The following SLC25A13 variants were observed in gnomAD, a reference collection of about 807,000 sequenced individuals.
SLC25A13 encodes solute carrier family 25 member 13.
In SLC25A13, 70 loss-of-function variants were observed where a neutral mutation model predicts 85.5. That is an observed-to-expected ratio of 0.82 (90% CI 0.68 to 1.00). The LOEUF (loss-of-function observed/expected upper bound fraction) is 1.00, where lower values mean the gene tolerates loss of function less well. SLC25A13 is among the 50% of genes least tolerant of loss of function. SLC25A13 has a pLI of 0.00. For missense variants in SLC25A13, 765 were observed against 819.8 expected, an observed-to-expected ratio of 0.93 and a Z score of 0.82; for synonymous variants, 259 against 288.7, an observed-to-expected ratio of 0.90 and a Z score of 1.04.
At chr7:96,199,057 C>T (rs933214572) in intron 5 of SLC25A13, among the ~76,000 whole-genome samples, 6 of 152,188 alleles carry the variant, frequency 3.9e-5, no homozygotes, top group African/African-American at 9.7e-5. Context: ...TAAGTGCATG[C>T]TATGTCCCAG....
rs1358413376 is a variant in SLC25A13, at chr7:96,226,193, C to T, written c.328+8609G>A. On this transcript the variant is annotated intron_variant, in intron 4 of 17. Coordinates refer to ENST00000265631, the MANE Select transcript of SLC25A13 (RefSeq NM_014251.3). ...AGTAAATCCCCATTCCCCCTCCTCA[C>T]AGCCCCTGGTAGCCACCACTCTTTG... is the stretch of plus-strand genomic sequence containing the variant. Among the ~76,000 whole-genome samples the T allele has an allele frequency of 3.9e-5, 6 of 152,162 alleles. No individual in the cohort carries two copies. The East Asian group carries it at 1.2e-3, about 29-fold the overall frequency.
chr7:96,150,366 G>A (rs1472185171), intron 13 of SLC25A13, among the ~76,000 whole-genome samples: 1 of 151,912 alleles, frequency 6.6e-6, no homozygotes, highest in African/African-American at 2.4e-5. Context: ...TCTATTATGG[G>A]GTATTAAGGT....
intron 3 of SLC25A13, among the ~76,000 whole-genome samples, chr7:96,249,127 G>A (rs1220945370): frequency 6.6e-6 from 1 of 152,164 alleles, no homozygotes; most frequent in Non-Finnish European, 1.5e-5. Flanking sequence ...GCAACGGAGT[G>A]AGCTCTCATG....
At chr7:96,256,950 T>C (rs1797660329) in intron 3 of SLC25A13, among the ~76,000 whole-genome samples, 1 of 152,202 alleles carries the variant, frequency 6.6e-6, no homozygotes, top group African/African-American at 2.4e-5. Context: ...CTGAACAACC[T>C]GCTCCTGAAT....
chr7:96,126,053 T>C (rs1791714783), intron 15 of SLC25A13, among the ~76,000 whole-genome samples: 1 of 152,282 alleles, frequency 6.6e-6, no homozygotes, highest in East Asian at 1.9e-4. Context: ...TGGTTGTCTA[T>C]TGATATTATT....
At chr7:96,162,659 G>C (rs186165164) in intron 13 of SLC25A13, among the ~76,000 whole-genome samples, 25 of 152,264 alleles carry the variant, frequency 1.6e-4, no homozygotes, top group Admixed American at 1.6e-3. Context: ...GTAGAGAAAG[G>C]CTAGGTGGCT....
At chr7:96,291,576 T>C (rs1439177996) in intron 2 of SLC25A13, among the ~76,000 whole-genome samples, 1 of 151,718 alleles carries the variant, frequency 6.6e-6, no homozygotes, top group Non-Finnish European at 1.5e-5. Context: ...ATAGACGCAA[T>C]AAAAAATGAG....
intron 11 of SLC25A13, among the ~76,000 whole-genome samples, chr7:96,181,490 A>G (rs558250417): frequency 6.6e-6 from 1 of 152,356 alleles, no homozygotes; most frequent in South Asian, 2.1e-4. Flanking sequence ...AAATGCAAAA[A>G]CAGCTTCTGA....
chr7:96,252,173 T>A (rs544289248), intron 3 of SLC25A13, among the ~76,000 whole-genome samples: 115 of 152,202 alleles, frequency 7.6e-4, no homozygotes, highest in Non-Finnish European at 1.5e-3. Context: ...TTCCTTTTTT[T>A]GTATTATCCT....
chr7:96,184,548 A>C, intron 10 of SLC25A13, 113 bp from the exon 11 acceptor site: 1 of 1,045,354 alleles, frequency 9.6e-7, no homozygotes. Flanking sequence ...TTGAATTTTA[A>C]ATACAGATTT....
intron 3 of SLC25A13, among the ~76,000 whole-genome samples, chr7:96,248,513 C>G (rs1183039171): frequency 6.6e-6 from 1 of 152,036 alleles, no homozygotes; most frequent in Non-Finnish European, 1.5e-5. Context: ...CTTTTTCTTG[C>G]ACCTGTTTCC....
intron 11 of SLC25A13, among the ~76,000 whole-genome samples, chr7:96,176,424 TCTC>T (rs1244986153): frequency 6.6e-6 from 1 of 152,214 alleles, no homozygotes; most frequent in Non-Finnish European, 1.5e-5. Flanking sequence ...TTTCCAATCT[TCTC>T]CTTTTAGTTC....
chr7:96,250,864 T>G (rs1036389011), intron 3 of SLC25A13, among the ~76,000 whole-genome samples: 1 of 152,128 alleles, frequency 6.6e-6, no homozygotes, highest in African/African-American at 2.4e-5. Flanking sequence ...TCCCACCTCT[T>G]CTGGATAATA....
At chr7:96,271,776 T>C (rs1395519176) in intron 3 of SLC25A13, among the ~76,000 whole-genome samples, 2 of 152,102 alleles carry the variant, frequency 1.3e-5, no homozygotes. Context: ...TTGGATATTA[T>C]ATGTTTAAAA....
intron 7 of SLC25A13, 101 bp downstream of exon 7, chr7:96,191,008 C>T (rs1794825669): frequency 7.4e-7 from 1 of 1,355,148 alleles, no homozygotes; most frequent in South Asian, 1.2e-5. Context: ...TAATATGTGT[C>T]AATGGGATAG....
chr7:96,320,374 C>T (rs990668048), intron 1 of SLC25A13, among the ~76,000 whole-genome samples: 4 of 152,174 alleles, frequency 2.6e-5, no homozygotes, highest in African/African-American at 9.7e-5. Context: ...ATTTATGTTC[C>T]TCAATTACCT....
rs183935692 is a variant in SLC25A13 at position 96,223,027 on chromosome 7, T to C, written c.328+11775A>G. Among the ~76,000 whole-genome samples the C allele has an allele frequency of 3.5e-3, 540 of 152,274 alleles. 2 individuals are homozygous for C. Among genetic ancestry groups the C allele is most frequent in the African/African-American group, 0.012 (506 of 41,562 alleles). On this transcript the variant is annotated intron_variant, in intron 4 of 17. Coordinates refer to ENST00000265631, the MANE Select transcript of SLC25A13 (RefSeq NM_014251.3). ...CCCTCTATAAAAAGCAGCTTTTATC[T>C]TTAAAGGGCAGCTCACTGACCTCTG...
At chr7:96,266,916 G>GA (rs1798060306) in intron 3 of SLC25A13, among the ~76,000 whole-genome samples, 1 of 152,176 alleles carries the variant, frequency 6.6e-6, no homozygotes, top group Admixed American at 6.5e-5. Context: ...TGACTAAGAA[G>GA]AAAATCTAAG....
At position 96,155,581 on chromosome 7, in the gene SLC25A13, A is replaced by C. The variant is rs1052169432; in HGVS notation, c.1312-8885T>G. 2.0e-5 allele frequency among the ~76,000 whole-genome samples: 3 copies of C among 152,202 alleles called. No homozygotes were observed. The South Asian group carries it at 6.2e-4, about 32-fold the overall frequency. The stretch of plus-strand genomic sequence containing the variant: ...GTCTGCCCTCTAGATCCCTTTCTGG[A>C]AGGATGTGATTTTCCAGCTACTAAG... On this transcript the variant is annotated intron_variant, in intron 13 of 17. Coordinates refer to ENST00000265631, the MANE Select transcript of SLC25A13 (RefSeq NM_014251.3).
Sources: allele counts gnomAD v4.1 joint callset (sites outside exome capture counted in the v4.1 genomes callset), GRCh38; gene constraint gnomAD v4.1.1; transcripts MANE v1.5; gene names NCBI Gene and HGNC (gene_info 2026-07-23, HGNC 2026-07-21).